The following SGO2 variants were observed in gnomAD, a reference collection of about 807,000 sequenced individuals.
SGO2 encodes the protein shugoshin-like 2.
A neutral mutation model predicts 99.5 loss-of-function variants in SGO2; 68 were observed. The observed-to-expected ratio is 0.68, with a 90% confidence interval of 0.56 to 0.84. The LOEUF (loss-of-function observed/expected upper bound fraction) is 0.84, where lower values mean the gene tolerates loss of function less well. SGO2 is among the 40% of genes least tolerant of loss of function. SGO2 has a pLI of 0.00. For missense variants in SGO2, 1,350 were observed against 1,436.7 expected (o/e 0.94, Z 0.97); for synonymous variants, 457 against 487.1 (o/e 0.94, Z 0.81).
chr2:200,563,026 C>G (rs528885467), intron 5 of SGO2, among the ~76,000 whole-genome samples: 16 of 152,200 alleles, frequency 1.1e-4, no homozygotes, highest in African/African-American at 3.9e-4. Flanking sequence ...TTGACTTCCT[C>G]TTTTCCTAAT....
intron 4 of SGO2, among the ~76,000 whole-genome samples, chr2:200,538,760 T>TATG (rs2106310526): frequency 6.6e-6 from 1 of 152,304 alleles, no homozygotes; most frequent in Non-Finnish European, 1.5e-5. Flanking sequence ...ATCTTTTTAG[T>TATG]ATGATGATGA....
In SGO2 at chr2:200,571,140, C is replaced by T; in HGVS notation, c.794C>T (p.Pro265Leu). 1.9e-6 allele frequency: 3 copies of T among 1,613,546 alleles called. No individual in the cohort carries two copies. The highest frequency in any genetic ancestry group is 2.5e-6 in the Non-Finnish European group (3 of 1,179,608). ...TCTATTGGCCGCAGATGGGAGAAAC[C>T]ATCTCCTAGTAATGTGACTGAAAGG... ...AQSIGRRWEK[P>L]SPSNVTERKK... Residue 265 changes from proline to leucine, a missense_variant, in exon 7 of 9, where the codon CCA becomes CTA. Pro to Leu is a moderately conservative substitution (Grantham distance 98). Transcript: ENST00000357799.
intron 5 of SGO2, among the ~76,000 whole-genome samples, chr2:200,555,677 A>G (rs889361204): frequency 6.6e-6 from 1 of 152,168 alleles, no homozygotes; most frequent in Non-Finnish European, 1.5e-5. Context: ...ACAGCCGAGT[A>G]TCCCCACCAT....
At chr2:200,528,037 A>G (rs945694615) in intron 1 of SGO2, among the ~76,000 whole-genome samples, 1 of 152,234 alleles carries the variant, frequency 6.6e-6, no homozygotes. Context: ...TCTGCTTTAG[A>G]GCATGTCAAG....
At chr2:200,580,660 T>C (rs905467709) in intron 8 of SGO2, 1 of 246,490 alleles carries the variant, frequency 4.1e-6, no homozygotes, top group African/African-American at 2.4e-5. Flanking sequence ...AGGGAGACGC[T>C]CACTCTACAA....
chr2:200,576,459 C>A (rs2106350684), intron 8 of SGO2, among the ~76,000 whole-genome samples: 1 of 152,108 alleles, frequency 6.6e-6, no homozygotes, highest in African/African-American at 2.4e-5. Context: ...GCCTGTAGTC[C>A]CAGCTGCTCG....
chr2:200,550,139 C>G (rs10445730), intron 5 of SGO2, among the ~76,000 whole-genome samples: 33,320 of 152,002 alleles, frequency 0.22, 3,868 homozygotes, highest in Middle Eastern at 0.3. Flanking sequence ...AGGAATCAAT[C>G]TAACCAAAAG....
chr2:200,569,637 C>A (rs1304939829), intron 5 of SGO2, 26 bp from the exon 6 acceptor site: 20 of 1,530,658 alleles, frequency 1.3e-5, no homozygotes, highest in Non-Finnish European at 1.8e-5. Flanking sequence ...CACATAATTT[C>A]TCATTTCCTT....
At chr2:200,558,394 A>T (rs990171290) in intron 5 of SGO2, among the ~76,000 whole-genome samples, 7 of 151,880 alleles carry the variant, frequency 4.6e-5, no homozygotes, top group African/African-American at 7.3e-5. Flanking sequence ...GTAGATACTA[A>T]TTTTTTCTTT....
intron 5 of SGO2, among the ~76,000 whole-genome samples, chr2:200,555,435 G>T (rs976111655): frequency 2.6e-5 from 4 of 152,008 alleles, no homozygotes; most frequent in Admixed American, 1.3e-4. Context: ...CCAAATTAAG[G>T]GTCCCATTTT....
intron 5 of SGO2, among the ~76,000 whole-genome samples, chr2:200,555,806 T>C (rs569695743): frequency 6.6e-6 from 1 of 152,294 alleles, no homozygotes; most frequent in Non-Finnish European, 1.5e-5. Flanking sequence ...GATAACACAA[T>C]GTGAAACAGA....
At chr2:200,533,839 A>T (rs1308355423) in intron 2 of SGO2, among the ~76,000 whole-genome samples, 2 of 152,122 alleles carry the variant, frequency 1.3e-5, no homozygotes, top group Non-Finnish European at 2.9e-5. Flanking sequence ...GTAAATCATG[A>T]TGCAGCTCCC....
intron 8 of SGO2, among the ~76,000 whole-genome samples, chr2:200,577,807 AT>A: frequency 1.3e-5 from 2 of 151,856 alleles, no homozygotes; most frequent in South Asian, 4.2e-4. Flanking sequence ...TTTGGCAAAT[AT>A]TTCACAGAAA....
intron 1 of SGO2, chr2:200,532,302 G>A (rs1253339760): frequency 8.0e-4 from 130 of 161,870 alleles, no homozygotes; most frequent in Non-Finnish European, 1.2e-3. Flanking sequence ...TTTTTTTTCA[G>A]ATCTCTTCAG....
At chr2:200,557,236 C>G (rs1270617944) in intron 5 of SGO2, among the ~76,000 whole-genome samples, 1 of 152,158 alleles carries the variant, frequency 6.6e-6, no homozygotes, top group Non-Finnish European at 1.5e-5. Context: ...GGACTCTAAC[C>G]CTCATAAGTT....
At chr2:200,552,732 C>A (rs1574854781) in intron 5 of SGO2, among the ~76,000 whole-genome samples, 1 of 152,122 alleles carries the variant, frequency 6.6e-6, no homozygotes, top group South Asian at 2.1e-4. Context: ...TTGTCACCAT[C>A]TTGGTTTTGG....
Position 200,572,346 on chromosome 2 carries a change from T to C in SGO2, c.2000T>C (p.Leu667Pro). 1 of 1,611,066 alleles carries C rather than the reference T, an allele frequency of 6.2e-7. No individual in the cohort carries two copies. The highest frequency in any genetic ancestry group is 1.3e-5 in the African/African-American group (1 of 74,790). The change falls in exon 7 of 9, where the codon CTT (leucine) becomes CCT (proline). Residue 667 changes from leucine to proline, a missense_variant. By Grantham distance (98) the Leu-to-Pro change is moderately conservative. Transcript: ENST00000357799. ...GAAAACATAGAAGTTTCCAAAGAGC[T>C]TCAAATCCCAGCTCTTTCTACTAGA... ...ISENIEVSKE[L>P]QIPALSTRDN...
chr2:200,571,952 C>G lies in SGO2; in HGVS notation c.1606C>G (p.Gln536Glu). The change falls in exon 7 of 9, where the codon CAG (glutamine) becomes GAG (glutamate). Residue 536 changes from glutamine (Q) to glutamate (E), a missense_variant. Coordinates refer to ENST00000357799, the MANE Select transcript of SGO2 (RefSeq NM_152524.6). ...TTGTAATAAAAGTAAAGCTTCTAGA[C>G]AGACATTTGTGATTCACAAATTAGA... ...LTCNKSKASR[Q>E]TFVIHKLEKD... The G allele has an allele frequency of 1.9e-6, 3 of 1,610,754 alleles. No individual in the cohort carries two copies. Among genetic ancestry groups the G allele is most frequent in the Non-Finnish European group, 2.5e-6 (3 of 1,179,044 alleles).
intron 8 of SGO2, among the ~76,000 whole-genome samples, chr2:200,579,774 A>C (rs921781447): frequency 6.6e-6 from 1 of 152,180 alleles, no homozygotes; most frequent in Admixed American, 6.6e-5. Flanking sequence ...TATTTTGTTT[A>C]GAATTTTTAT....
Sources: gnomAD v4.1 joint callset for allele counts (sites outside exome capture counted in the v4.1 genomes callset) on GRCh38, gnomAD v4.1.1 for gene constraint, MANE v1.5 for transcripts, NCBI Gene and HGNC (gene_info 2026-07-23, HGNC 2026-07-21) for gene names.